The following CDKN3 variants were observed in gnomAD, a reference collection of about 807,000 sequenced individuals.
CDKN3 encodes cyclin dependent kinase inhibitor 3.
A neutral mutation model predicts 36.1 loss-of-function variants in CDKN3; 19 were observed. The observed-to-expected ratio is 0.53, with a 90% CI of 0.37 to 0.77. The LOEUF (loss-of-function observed/expected upper bound fraction) is 0.77. Among genes scored for constraint, CDKN3 ranks in the 30% least tolerant of loss-of-function variants. The probability of loss-of-function intolerance (pLI) is 0.00; values close to 1 mark genes in which losing one functional copy is unlikely to be tolerated. For missense variants in CDKN3, 188 were observed against 248.6 expected, an observed-to-expected ratio of 0.76 and a Z score of 1.64; for synonymous variants, 71 against 85.3, an observed-to-expected ratio of 0.83 and a Z score of 0.92.
chr14:54,400,574 A>G (rs4251608), intron 2 of CDKN3, among the ~76,000 whole-genome samples: 3,676 of 152,312 alleles, frequency 0.024, 166 homozygotes, highest in African/African-American at 0.084. Context: ...ATTCTTTACA[A>G]TGAGCAATCA....
chr14:54,402,036 C>T (rs563757565), intron 3 of CDKN3, among the ~76,000 whole-genome samples: 29 of 151,874 alleles, frequency 1.9e-4, no homozygotes, highest in Non-Finnish European at 3.5e-4. Flanking sequence ...GGTGAAACCC[C>T]GTCTCTACTA....
At chr14:54,418,346 G>C in intron 7 of CDKN3, 1 of 684,462 alleles carries the variant, frequency 1.5e-6, no homozygotes, top group Middle Eastern at 2.3e-4. Context: ...AAAAATCTAT[G>C]GAAGATCTTG....
Position 54,397,009 on chromosome 14 carries a change from C to A in CDKN3, c.-60C>A. The stretch of plus-strand genomic sequence containing the variant: ...CGGGGCGCGGGCTCGGCCGGGGCAC[C>A]GGTGAGTCGCCGGCGCTGCAGAGGG... On this transcript the variant is annotated 5_prime_UTR_variant, in exon 1 of 8. Transcript: ENST00000335183. 6 of 1,434,260 alleles carry A rather than the reference C, an allele frequency of 4.2e-6. No individual in the cohort carries two copies. The highest frequency in any genetic ancestry group is 5.5e-6 in the Non-Finnish European group (6 of 1,090,396). 88.8% of individuals were successfully genotyped at this position (1,434,260 alleles called of 1,614,324 possible).
rs147821772 is a variant in CDKN3, at chr14:54,403,665, T to C, written c.148+2086T>C. 6.2e-3 allele frequency among the ~76,000 whole-genome samples: 939 copies of C among 152,332 alleles called. 5 individuals are homozygous for C. Among genetic ancestry groups the C allele is most frequent in the African/African-American group, 0.021 (893 of 41,576 alleles). On this transcript the variant is annotated intron_variant, in intron 3 of 7. Coordinates refer to ENST00000335183, the MANE Select transcript of CDKN3 (RefSeq NM_005192.4). ...AGCTTTTGCCCATTCAGTATGATAT[T>C]GGCTGTGGGTTTGTCATAAATAGCT...
intron 4 of CDKN3, 78 bp from the exon 5 acceptor site, chr14:54,411,406 A>G (rs2030347672): frequency 3.6e-6 from 4 of 1,111,416 alleles, no homozygotes; most frequent in African/African-American, 3.1e-5. Flanking sequence ...ATTTAATTTC[A>G]TATTCTCCCT....
chr14:54,408,659 T>C (rs930396185), intron 3 of CDKN3, 86 bp from the exon 4 acceptor site: 1 of 1,355,368 alleles, frequency 7.4e-7, no homozygotes, highest in Non-Finnish European at 1.0e-6. Context: ...GAAATGACTT[T>C]ATAAAGTAGC....
Position 54,419,983 on chromosome 14 carries a change from T to G in CDKN3, c.553-9T>G. 1 of 1,562,912 alleles carries G rather than the reference T, an allele frequency of 6.4e-7. No individual in the cohort carries two copies. Among genetic ancestry groups the G allele is most frequent in the Admixed American group, 1.7e-5 (1 of 59,844 alleles). ...ACAGTGTATTCCAATGTATCTTTAC[T>G]TTTTTCAGCAATACAATTATCTTCA... On this transcript the variant is annotated splice_polypyrimidine_tract_variant and intron_variant, in intron 7 of 7. Transcript: ENST00000335183.
At chr14:54,398,530 G>A (rs1886383966) in intron 1 of CDKN3, among the ~76,000 whole-genome samples, 1 of 152,208 alleles carries the variant, frequency 6.6e-6, no homozygotes, top group South Asian at 2.1e-4. Context: ...CAAGGGGCAA[G>A]CCCACGTGGC....
chr14:54,414,740 G>A (rs1000828314), intron 5 of CDKN3, among the ~76,000 whole-genome samples: 2 of 146,416 alleles, frequency 1.4e-5, no homozygotes, highest in African/African-American at 2.6e-5. Flanking sequence ...GGAGAGACAG[G>A]GTCTCACTTT....
intron 3 of CDKN3, among the ~76,000 whole-genome samples, chr14:54,404,674 A>G (rs568168539): frequency 6.6e-6 from 1 of 152,112 alleles, no homozygotes; most frequent in Non-Finnish European, 1.5e-5. Context: ...TCCCGGGTTC[A>G]TGCCATTCTC....
Position 54,401,506 on chromosome 14 carries a change from A to G in CDKN3, c.93-18A>G, listed in dbSNP as rs776831404. ...TTTAAAAACTTAACTAAACATGAAA[A>G]ATTTTTCTTCTTTTCAGGCTATCTT... On this transcript the variant is annotated intron_variant, in intron 2 of 7. Transcript: ENST00000335183. The G allele has an allele frequency of 6.3e-7, 1 of 1,594,944 alleles. No homozygotes were observed. Among genetic ancestry groups the G allele is most frequent in the Non-Finnish European group, 8.6e-7 (1 of 1,166,822 alleles).
At chr14:54,401,713 T>G (rs1181592859) in intron 3 of CDKN3, 134 bp downstream of exon 3, 18 of 617,384 alleles carry the variant, frequency 2.9e-5, no homozygotes. Flanking sequence ...TCTGAAATTT[T>G]GGTGCACCCA....
rs113342693 is a variant in CDKN3 at position 54,398,987 on chromosome 14, C to CTTTTTTTTTTTTTTTTTTTTTTTTTTT, written c.10-889_10-888insTTTTTTTTTTTTTTTTTTTTTTTTTTT. Among the ~76,000 whole-genome samples the CTTTTTTTTTTTTTTTTTTTTTTTTTTT allele has an allele frequency of 1.8e-5, 2 of 109,276 alleles. 1 individual carries two copies. 71.7% of individuals were successfully genotyped at this position (109,276 alleles called of 152,430 possible). On this transcript the variant is annotated intron_variant, in intron 1 of 7. Transcript: ENST00000335183. ...TTCTTTCCTTTCTTTTTTCTTCTTC[C>CTTTTTTTTTTTTTTTTTTTTTTTTTTT]TTTTTTTTTTTTTTTTTTGGCAGAG... is the stretch of plus-strand genomic sequence containing the variant.
chr14:54,411,759 T>C (rs1361588214), intron 5 of CDKN3, 53 bp downstream of exon 5: 2 of 1,147,600 alleles, frequency 1.7e-6, no homozygotes, highest in Non-Finnish European at 2.6e-6. Context: ...CAAAATGATT[T>C]CTGGAATTAT....
At chr14:54,409,323 G>A (rs751580423) in intron 4 of CDKN3, among the ~76,000 whole-genome samples, 10 of 152,026 alleles carry the variant, frequency 6.6e-5, no homozygotes, top group Non-Finnish European at 1.3e-4. Context: ...CCCCAATTTG[G>A]AATTTACATA....
chr14:54,399,701 G>A (rs551599444), intron 1 of CDKN3, among the ~76,000 whole-genome samples, 193 bp from the exon 2 acceptor site: 9 of 152,224 alleles, frequency 5.9e-5, no homozygotes, highest in African/African-American at 2.2e-4. Context: ...TTTCCACTAT[G>A]CAGTGCTATA....
chr14:54,408,817 C>A, intron 4 of CDKN3, 28 bp downstream of exon 4: 1 of 1,530,006 alleles, frequency 6.5e-7, no homozygotes. Flanking sequence ...CAACCACACT[C>A]ATGGGTTTTT....
chr14:54,418,824 C>T (rs2030635037), intron 7 of CDKN3, among the ~76,000 whole-genome samples: 1 of 152,058 alleles, frequency 6.6e-6, no homozygotes, highest in African/African-American at 2.4e-5. Context: ...AGATCCACTC[C>T]ACTGTACAGG....
intron 6 of CDKN3, 101 bp from the exon 7 acceptor site, chr14:54,417,747 C>A: frequency 1.7e-6 from 1 of 584,808 alleles, no homozygotes; most frequent in Non-Finnish European, 3.0e-6. Flanking sequence ...GGAACAATTA[C>A]ACCAGTCTTC....
Sources: gnomAD v4.1 joint callset for allele counts (sites outside exome capture counted in the v4.1 genomes callset) on GRCh38, gnomAD v4.1.1 for gene constraint, MANE v1.5 for transcripts, NCBI Gene and HGNC (gene_info 2026-07-23, HGNC 2026-07-21) for gene names.